Variants in HDAC8 observed in about 807,000 individuals in gnomAD.
The protein encoded by HDAC8 is histone deacetylase 8.
In HDAC8, 1 loss-of-function variant was observed where a neutral mutation model predicts 32.2. The observed-to-expected ratio is 0.03, with a 90% CI of 0.01 to 0.15. HDAC8 has a LOEUF of 0.15. Ranked by LOEUF, HDAC8 falls within the 10% of genes least tolerant of loss-of-function variation. The pLI, the probability that HDAC8 is intolerant of heterozygous loss-of-function variation, is 1.00. For synonymous variants in HDAC8, 108 were observed against 113.9 expected (o/e 0.95, Z 0.33); for missense variants, 117 against 300.0 (o/e 0.39, Z 4.51).
At chrX:72,543,478 A>G (rs2050769757) in intron 4 of HDAC8, among the ~76,000 whole-genome samples, 1 of 111,381 alleles carries the variant, frequency 9.0e-6, no homozygotes, top group Non-Finnish European at 1.9e-5. Flanking sequence ...TTGGGCCAAG[A>G]GGGTAAGAGG....
intron 7 of HDAC8, chrX:72,467,664 T>G (rs1258694437): frequency 4.1e-6 from 1 of 244,618 alleles, no homozygotes; most frequent in African/African-American, 2.9e-5. Context: ...TGGGTGCATG[T>G]GTGCATCTGT....
chrX:72,562,812 CTTT>C (rs1356317804), intron 4 of HDAC8, among the ~76,000 whole-genome samples: 1 of 110,108 alleles, frequency 9.1e-6, no homozygotes, highest in Non-Finnish European at 1.9e-5. Context: ...TCCCACCAGT[CTTT>C]TTTTCTTCAT....
At chrX:72,477,325 G>A (rs955211665) in intron 7 of HDAC8, among the ~76,000 whole-genome samples, 4 of 111,957 alleles carry the variant, frequency 3.6e-5, no homozygotes, top group Admixed American at 9.5e-5. Context: ...TAATACATAC[G>A]GGTGGGAATA....
intron 9 of HDAC8, among the ~76,000 whole-genome samples, chrX:72,433,281 T>C (rs183052220): frequency 2.1e-3 from 237 of 111,261 alleles, no homozygotes; most frequent in African/African-American, 7.3e-3. Context: ...CCAAGGATGC[T>C]GCTCAGCATC....
intron 4 of HDAC8, among the ~76,000 whole-genome samples, chrX:72,544,442 A>G (rs989944753): frequency 9.0e-6 from 1 of 111,566 alleles, no homozygotes; most frequent in East Asian, 2.8e-4. Context: ...CTTTCTCTTA[A>G]GGAGATCGAA....
intron 10 of HDAC8, among the ~76,000 whole-genome samples, chrX:72,338,692 T>TAC (rs2043799484): frequency 1.0e-5 from 1 of 100,356 alleles, no homozygotes; most frequent in Admixed American, 1.1e-4. Context: ...TACAAATATA[T>TAC]ATATATATAT....
intron 4 of HDAC8, among the ~76,000 whole-genome samples, chrX:72,532,035 C>G (rs1391094537): frequency 9.0e-6 from 1 of 111,657 alleles, no homozygotes; most frequent in East Asian, 2.8e-4. Context: ...TTTGGAGGAA[C>G]TACATAGCTG....
At chrX:72,435,895 G>T (rs1555979030) in intron 9 of HDAC8, among the ~76,000 whole-genome samples, 1 of 111,805 alleles carries the variant, frequency 8.9e-6, no homozygotes, top group Non-Finnish European at 1.9e-5. Context: ...TTGAACATGG[G>T]TGGTGGAGGT....
At chrX:72,551,079 G>GCGCACACA (rs781798714) in intron 4 of HDAC8, among the ~76,000 whole-genome samples, 2 of 96,412 alleles carry the variant, frequency 2.1e-5, no homozygotes, top group African/African-American at 7.4e-5. Flanking sequence ...TGAAGTCAGC[G>GCGCACACA]CACACACACA....
intron 4 of HDAC8, among the ~76,000 whole-genome samples, chrX:72,567,029 C>T (rs193171742): frequency 2.0e-3 from 223 of 111,991 alleles, no homozygotes; most frequent in African/African-American, 6.8e-3. Flanking sequence ...CCTGTAATTC[C>T]AGCTACTCAG....
intron 9 of HDAC8, among the ~76,000 whole-genome samples, chrX:72,449,834 CTTCTT>C (rs1471157428): frequency 8.9e-6 from 1 of 111,760 alleles, no homozygotes; most frequent in African/African-American, 3.2e-5. Flanking sequence ...AAAGAAAGCA[CTTCTT>C]TTCTTTAGTC....
intron 10 of HDAC8, among the ~76,000 whole-genome samples, chrX:72,340,899 G>C (rs2043871115): frequency 8.9e-6 from 1 of 111,748 alleles, no homozygotes; most frequent in Non-Finnish European, 1.9e-5. Flanking sequence ...AGTGCCAACA[G>C]CTGCCAGAGA....
chrX:72,364,702 G>C (rs1192645073), intron 9 of HDAC8, among the ~76,000 whole-genome samples: 1 of 111,014 alleles, frequency 9.0e-6, no homozygotes, highest in East Asian at 2.8e-4. Context: ...CATCCTGAAC[G>C]TTCCTGATTT....
chrX:72,335,087 A>G (rs2043641915), intron 10 of HDAC8, among the ~76,000 whole-genome samples: 1 of 112,080 alleles, frequency 8.9e-6, no homozygotes, highest in Non-Finnish European at 1.9e-5. Flanking sequence ...GAGAGCTCTC[A>G]TATATTTCCT....
chrX:72,419,364 C>T (rs890981597), intron 9 of HDAC8, among the ~76,000 whole-genome samples: 2 of 111,377 alleles, frequency 1.8e-5, no homozygotes, highest in Non-Finnish European at 3.8e-5. Context: ...TTAGATGTTA[C>T]TATAAATGCA....
intron 4 of HDAC8, among the ~76,000 whole-genome samples, chrX:72,502,162 C>G (rs1202557858): frequency 9.0e-6 from 1 of 111,602 alleles, no homozygotes; most frequent in Non-Finnish European, 1.9e-5. Flanking sequence ...AACACTTATA[C>G]CCTGTTGATG....
chrX:72,432,360 ACT>A (rs782726518), intron 9 of HDAC8, among the ~76,000 whole-genome samples: 52 of 109,029 alleles, frequency 4.8e-4, no homozygotes, highest in African/African-American at 1.7e-3. Context: ...ATAAGATCCC[ACT>A]CTCTTCACCG....
At chrX:72,470,336 C>A (rs781886562) in intron 7 of HDAC8, among the ~76,000 whole-genome samples, 7 of 111,411 alleles carry the variant, frequency 6.3e-5, no homozygotes, top group Admixed American at 1.9e-4. Context: ...CTGTCTCATA[C>A]TGGACGGAAC....
chrX:72,511,337 G>A (rs782282015), intron 4 of HDAC8, among the ~76,000 whole-genome samples: 9 of 111,133 alleles, frequency 8.1e-5, no homozygotes, highest in Non-Finnish European at 1.7e-4. Flanking sequence ...ATCAGTACTG[G>A]GTAGACGAAT....
Sources: allele counts gnomAD v4.1 joint callset (sites outside exome capture counted in the v4.1 genomes callset), GRCh38; gene constraint gnomAD v4.1.1; transcripts MANE v1.5; gene names NCBI Gene and HGNC (gene_info 2026-07-23, HGNC 2026-07-21).